Variants in CASZ1 observed in about 807,000 individuals in gnomAD.
CASZ1 encodes the protein zinc finger protein castor homolog 1.
A neutral mutation model predicts 135.2 loss-of-function variants in CASZ1; 28 were observed. The observed-to-expected ratio is 0.21, with a 90% CI of 0.15 to 0.28. The LOEUF is 0.28. Ranked by LOEUF, CASZ1 falls within the 10% of genes least tolerant of loss-of-function variation. CASZ1 has a pLI of 1.00. For missense variants in CASZ1, 2,161 were observed against 2,453.3 expected (o/e 0.88, Z 2.52); for synonymous variants, 1,068 against 1,073.4 (o/e 0.99, Z 0.10).
chr1:10,779,102 G>A (rs1321204958), intron 1 of CASZ1, among the ~76,000 whole-genome samples: 2 of 152,062 alleles, frequency 1.3e-5, no homozygotes, highest in Non-Finnish European at 2.9e-5. Flanking sequence ...AAGAAAGTTT[G>A]TTGTTGAGGT....
At position 10,716,089 on chromosome 1, in the gene CASZ1, C is replaced by T. The variant is rs187805149; in HGVS notation, c.-76-10545G>A. Among the ~76,000 whole-genome samples the T allele has an allele frequency of 2.8e-3, 414 of 146,564 alleles. 10 individuals carry two copies. Among genetic ancestry groups the T allele is most frequent in the Admixed American group, 0.026 (382 of 14,514 alleles). On this transcript the variant is annotated intron_variant, in intron 2 of 20. Coordinates refer to ENST00000377022, the MANE Select transcript of CASZ1 (RefSeq NM_001079843.3). ...AGCACCCAATCCGCACCCCACAGCACCCAATCCACACCCACAGCACCCAAT... is the reference window on the plus strand; with the variant it reads ...AGCACCCAATCCGCACCCCACAGCATCCAATCCACACCCACAGCACCCAAT...
intron 13 of CASZ1, 109 bp from the exon 14 acceptor site, chr1:10,649,546 C>T (rs963859514): frequency 3.2e-6 from 4 of 1,256,082 alleles, no homozygotes; most frequent in Non-Finnish European, 4.4e-6. Flanking sequence ...ACCCAGCCCT[C>T]AGAGCCAGCA....
Position 10,639,125 on chromosome 1 carries a change from CTCG to C in CASZ1, c.5094_5096del (p.Asp1698del), listed in dbSNP as rs1258531988. The C allele has an allele frequency of 1.7e-6, 2 of 1,154,288 alleles. No individual in the cohort carries two copies. Among genetic ancestry groups the C allele is most frequent in the Non-Finnish European group, 1.1e-6 (1 of 914,456 alleles). The allele number at this position is 1,154,288 out of a possible 1,614,324, so 71.5% of individuals were successfully genotyped here. On this transcript the variant is annotated inframe_deletion, in exon 21 of 21. Coordinates refer to ENST00000377022, the MANE Select transcript of CASZ1 (RefSeq NM_001079843.3). This position sits in a 1 kb window ranked among gnomAD's most constrained non-coding sequence, Gnocchi z 4.0. Reference sequence around the variant, plus strand: ...CGTCGTCGTCCTCGTCGTCGTCGTCCTCGTCGTCGTCCTCGTCCTCGTCGTCTT... The same window carrying C: ...CGTCGTCGTCCTCGTCGTCGTCGTCCTCGTCGTCCTCGTCCTCGTCGTCTT...
At chr1:10,681,051 C>G (rs1420097780) in intron 4 of CASZ1, among the ~76,000 whole-genome samples, 2 of 152,134 alleles carry the variant, frequency 1.3e-5, no homozygotes, top group Non-Finnish European at 2.9e-5. Flanking sequence ...CAGGCGCCTG[C>G]CACCACACTT....
intron 1 of CASZ1, among the ~76,000 whole-genome samples, chr1:10,792,984 C>T (rs1483416963): frequency 1.3e-5 from 2 of 152,018 alleles, no homozygotes; most frequent in South Asian, 2.1e-4. Context: ...ATACCTCAAC[C>T]CCCACAGGCA....
chr1:10,720,640 G>A lies in CASZ1; in HGVS notation c.-76-15096C>T, dbSNP rs1240132737. 6.6e-6 allele frequency among the ~76,000 whole-genome samples: 1 copy of A among 152,176 alleles called. No homozygotes were observed. The highest frequency in any genetic ancestry group is 1.5e-5 in the Non-Finnish European group (1 of 68,022). On this transcript the variant is annotated intron_variant, in intron 2 of 20. Coordinates refer to ENST00000377022, the MANE Select transcript of CASZ1 (RefSeq NM_001079843.3). The surrounding 1 kb of genome is among the most constrained non-coding windows in gnomAD (Gnocchi z 5.7). Reference sequence around the variant, plus strand: ...TAATATGGGCCCAGCAGCTTTCTGGGTTATTTCGAGTACATGTGATAATGA... The same window carrying A: ...TAATATGGGCCCAGCAGCTTTCTGGATTATTTCGAGTACATGTGATAATGA...
chr1:10,656,567 GT>G, intron 8 of CASZ1, 78 bp downstream of exon 8: 1 of 1,121,864 alleles, frequency 8.9e-7, no homozygotes. Context: ...CCCCACTGCC[GT>G]CCCCGCCTGC....
At chr1:10,771,914 C>T (rs147971694) in intron 1 of CASZ1, among the ~76,000 whole-genome samples, 15 of 152,330 alleles carry the variant, frequency 9.8e-5, no homozygotes, top group East Asian at 9.7e-4. Flanking sequence ...CCCCTTGTCC[C>T]GTCCCAGCCC....
intron 1 of CASZ1, among the ~76,000 whole-genome samples, chr1:10,796,120 C>A (rs1641065706): frequency 6.6e-6 from 1 of 152,038 alleles, no homozygotes; most frequent in Non-Finnish European, 1.5e-5. Context: ...TCACCTGCCC[C>A]CCCGGGAGCC....
chr1:10,686,425 G>GC (rs1638593275), intron 4 of CASZ1, among the ~76,000 whole-genome samples: 1 of 152,104 alleles, frequency 6.6e-6, no homozygotes, highest in South Asian at 2.1e-4. Flanking sequence ...CTTGTATCAC[G>GC]CCCCCTCTCA....
In CASZ1 at chr1:10,649,376, C is replaced by G. The variant is rs1642483408; in HGVS notation, c.2942G>C (p.Ser981Thr). 1 of 1,607,504 alleles carries G rather than the reference C, an allele frequency of 6.2e-7. No individual in the cohort carries two copies. Among genetic ancestry groups the G allele is most frequent in the Non-Finnish European group, 8.5e-7 (1 of 1,177,552 alleles). The change falls in exon 14 of 21, where the codon AGC (serine) becomes ACC (threonine). Residue 981 changes from serine to threonine, a missense_variant. Transcript: ENST00000377022. ...GAAGGGCGAGGGCTCCGCAGCGGGGCTCCCCTCCGCTTCCGCCTTGATGTT... is the reference window on the plus strand; with the variant it reads ...GAAGGGCGAGGGCTCCGCAGCGGGGGTCCCCTCCGCTTCCGCCTTGATGTT... ...LLNIKAEAEG[S>T]PAAEPSPFLG...
chr1:10,645,120 C>G, intron 17 of CASZ1, 32 bp from the exon 18 acceptor site: 1 of 1,600,262 alleles, frequency 6.2e-7, no homozygotes, highest in South Asian at 1.1e-5. Flanking sequence ...TCAGGACAGG[C>G]GGGTGACTTT....
At chr1:10,651,322 G>A (rs1395112038) in intron 11 of CASZ1, 1 of 266,268 alleles carries the variant, frequency 3.8e-6, no homozygotes, top group Non-Finnish European at 7.0e-6. Context: ...AAGGGCGGGA[G>A]GCTGGGGAGG....
At position 10,711,563 on chromosome 1, in the gene CASZ1, G is replaced by GA. The variant is rs1345688305; in HGVS notation, c.-76-6020dup. 3.5e-4 allele frequency among the ~76,000 whole-genome samples: 39 copies of GA among 112,210 alleles called. No homozygotes were observed. Among genetic ancestry groups the GA allele is most frequent in the African/African-American group, 1.2e-3 (36 of 29,706 alleles). 73.6% of individuals were successfully genotyped at this position (112,210 alleles called of 152,430 possible). A position where few individuals can be genotyped will look rare whatever the true frequency, so the allele number is the denominator to read the frequency against. ...CAATTCCATTCCCAGGCATATACCA[G>GA]AAAAAATGGAAAACAGGTACTCAAA... On this transcript the variant is annotated intron_variant, in intron 2 of 20. Transcript: ENST00000377022. This position sits in a 1 kb window ranked among gnomAD's most constrained non-coding sequence, Gnocchi z 4.4.
At chr1:10,761,770 G>A (rs890395569) in intron 1 of CASZ1, among the ~76,000 whole-genome samples, 2 of 152,174 alleles carry the variant, frequency 1.3e-5, no homozygotes, top group Non-Finnish European at 2.9e-5. Context: ...CACACAACCC[G>A]ATCTCGGCGT....
At chr1:10,655,593 C>T (rs1370953322) in intron 9 of CASZ1, 56 bp downstream of exon 9, 6 of 1,527,020 alleles carry the variant, frequency 3.9e-6, no homozygotes, top group East Asian at 2.4e-5. Flanking sequence ...GGCTCAGAGC[C>T]GGGAGGGCCT....
At position 10,637,068 on chromosome 1, in the gene CASZ1, T is replaced by TGAA. The variant is rs1293050537; in HGVS notation, c.*1871_*1873dup. 1 of 152,154 alleles carries TGAA rather than the reference T, an allele frequency of 6.6e-6. No individual in the cohort carries two copies. Among genetic ancestry groups the TGAA allele is most frequent in the Non-Finnish European group, 1.5e-5 (1 of 67,984 alleles). 9.4% of individuals were successfully genotyped at this position (152,154 alleles called of 1,614,324 possible). Reference sequence around the variant, plus strand: ...TGGCTTATAGTCCTAGTGTGCAATATGAAGTTTACAAAAGGCTAGACTCCG... The same window carrying TGAA: ...TGGCTTATAGTCCTAGTGTGCAATATGAAGAAGTTTACAAAAGGCTAGACTCCG... On this transcript the variant is annotated 3_prime_UTR_variant, in exon 21 of 21. Coordinates refer to ENST00000377022, the MANE Select transcript of CASZ1 (RefSeq NM_001079843.3).
At chr1:10,737,074 A>T (rs1284960726) in intron 2 of CASZ1, among the ~76,000 whole-genome samples, 2 of 152,166 alleles carry the variant, frequency 1.3e-5, no homozygotes, top group Non-Finnish European at 2.9e-5. Flanking sequence ...GTTCATGAAT[A>T]TTTCAGTGGC....
At chr1:10,683,347 A>T (rs1433341960) in intron 4 of CASZ1, among the ~76,000 whole-genome samples, 1 of 152,098 alleles carries the variant, frequency 6.6e-6, no homozygotes, top group Non-Finnish European at 1.5e-5. Context: ...ACCTGGGCAA[A>T]CTCAATACAG....
Sources: allele counts gnomAD v4.1 joint callset (sites outside exome capture counted in the v4.1 genomes callset), GRCh38; gene constraint gnomAD v4.1.1; non-coding constraint Gnocchi (gnomAD v3.1); transcripts MANE v1.5; gene names NCBI Gene and HGNC (gene_info 2026-07-23, HGNC 2026-07-21).